Variants in AKT3 observed in about 807,000 individuals in gnomAD.
The protein encoded by AKT3 is RAC-gamma serine/threonine-protein kinase.
Under a neutral mutation model 65.3 loss-of-function variants are expected in AKT3, and 15 were observed. The ratio of observed to expected loss-of-function variants is 0.23; its 90% CI spans 0.15 to 0.35. The LOEUF (loss-of-function observed/expected upper bound fraction) is 0.35, where lower values mean the gene tolerates loss of function less well. AKT3 is among the 10% of genes least tolerant of loss of function. AKT3 has a pLI of 1.00. For synonymous variants in AKT3, 206 were observed against 183.8 expected, an observed-to-expected ratio of 1.12 and a Z score of -0.98; for missense variants, 243 against 576.5, an observed-to-expected ratio of 0.42 and a Z score of 5.92.
In AKT3 at chr1:243,647,662, C is replaced by T. The variant is rs139184956; in HGVS notation, c.285-1625G>A. 5.6e-3 allele frequency among the ~76,000 whole-genome samples: 857 copies of T among 152,238 alleles called. 6 individuals are homozygous for T. The highest frequency in any genetic ancestry group is 7.3e-3 in the Non-Finnish European group (499 of 68,006). On this transcript the variant is annotated intron_variant, in intron 4 of 13. Coordinates refer to ENST00000673466, the MANE Select transcript of AKT3 (RefSeq NM_005465.7). ...ATTAGTTCCAGTCACTCTTATTTTT[C>T]TGCATTTTCTACACATGCAACCATG...
At chr1:243,832,756 G>C (rs1572425495) in intron 2 of AKT3, among the ~76,000 whole-genome samples, 1 of 152,304 alleles carries the variant, frequency 6.6e-6, no homozygotes, top group South Asian at 2.1e-4. Context: ...TGGAAAGTGA[G>C]AGGGAGATCT....
intron 3 of AKT3, among the ~76,000 whole-genome samples, chr1:243,686,515 A>G (rs1463600227): frequency 6.6e-6 from 1 of 150,650 alleles, no homozygotes; most frequent in Non-Finnish European, 1.5e-5. Flanking sequence ...CCTCACTCCA[A>G]TGTAATTTAG....
intron 10 of AKT3, among the ~76,000 whole-genome samples, chr1:243,553,861 A>G (rs1295234372): frequency 6.6e-6 from 1 of 152,162 alleles, no homozygotes; most frequent in Non-Finnish European, 1.5e-5. Flanking sequence ...GCAACTTTGA[A>G]TATTTTATTT....
At chr1:243,755,192 C>T (rs932314514) in intron 2 of AKT3, among the ~76,000 whole-genome samples, 5 of 151,828 alleles carry the variant, frequency 3.3e-5, no homozygotes, top group Non-Finnish European at 5.9e-5. Context: ...CCTCAGCCTC[C>T]AGAGCAGTGG....
chr1:243,813,713 T>C (rs148088841), intron 2 of AKT3, among the ~76,000 whole-genome samples: 1 of 152,330 alleles, frequency 6.6e-6, no homozygotes, highest in Non-Finnish European at 1.5e-5. Context: ...AATGATACTG[T>C]GATTATGAAT....
At chr1:243,623,126 A>G (rs1302001433) in intron 6 of AKT3, among the ~76,000 whole-genome samples, 3 of 152,166 alleles carry the variant, frequency 2.0e-5, no homozygotes, top group Admixed American at 6.5e-5. Flanking sequence ...GCCACATGGT[A>G]CCAGTTTGAC....
intron 2 of AKT3, among the ~76,000 whole-genome samples, chr1:243,715,066 T>C (rs1686419299): frequency 6.6e-6 from 1 of 152,082 alleles, no homozygotes; most frequent in Non-Finnish European, 1.5e-5. Flanking sequence ...GATCAATATT[T>C]TGGGGACATG....
intron 6 of AKT3, among the ~76,000 whole-genome samples, chr1:243,636,966 G>T (rs1056691167): frequency 6.6e-6 from 1 of 152,124 alleles, no homozygotes; most frequent in Non-Finnish European, 1.5e-5. Flanking sequence ...AGTCCATAAA[G>T]TATAACAGTA....
intron 2 of AKT3, among the ~76,000 whole-genome samples, chr1:243,766,511 G>A (rs913914702): frequency 1.3e-5 from 2 of 152,098 alleles, no homozygotes; most frequent in Non-Finnish European, 2.9e-5. Flanking sequence ...CAGTAATACA[G>A]GTAAAGAGAT....
At chr1:243,598,347 C>T (rs191204598) in intron 8 of AKT3, among the ~76,000 whole-genome samples, 186 of 152,112 alleles carry the variant, frequency 1.2e-3, no homozygotes, top group Non-Finnish European at 2.2e-3. Flanking sequence ...AAATAGGGAG[C>T]TTATCTTTAT....
chr1:243,753,260 G>A (rs149455474), intron 2 of AKT3, among the ~76,000 whole-genome samples: 9 of 152,262 alleles, frequency 5.9e-5, no homozygotes, highest in African/African-American at 2.2e-4. Context: ...GTCTTAAGCA[G>A]TGTAAAAAAT....
At chr1:243,506,510 A>C (rs2148348428) in intron 13 of AKT3, among the ~76,000 whole-genome samples, 1 of 152,364 alleles carries the variant, frequency 6.6e-6, no homozygotes, top group Non-Finnish European at 1.5e-5. Context: ...GTCACTCCGA[A>C]GAGGAGGGGG....
At chr1:243,630,426 T>C (rs1031356214) in intron 6 of AKT3, among the ~76,000 whole-genome samples, 1 of 152,074 alleles carries the variant, frequency 6.6e-6, no homozygotes. Flanking sequence ...AATACAATGG[T>C]AGAAAAGGCC....
At chr1:243,682,507 C>T (rs1330572605) in intron 3 of AKT3, among the ~76,000 whole-genome samples, 4 of 152,120 alleles carry the variant, frequency 2.6e-5, no homozygotes, top group East Asian at 1.9e-4. Context: ...AAATAAAACA[C>T]GAGGTAAGCT....
rs190001202 is a variant in AKT3 at position 243,675,068 on chromosome 1, C to T, written c.173-10185G>A. On this transcript the variant is annotated intron_variant, in intron 3 of 13. Coordinates refer to ENST00000673466, the MANE Select transcript of AKT3 (RefSeq NM_005465.7). ...GGTCCCACTTAGAAGTAACTTACAA[C>T]TTAAATGCCTCGAGATTTCCATCTG... Among the ~76,000 whole-genome samples the T allele has an allele frequency of 7.2e-5, 11 of 152,322 alleles. No homozygotes were observed. The East Asian group carries it at 2.1e-3, about 29-fold the overall frequency.
In AKT3 at chr1:243,786,164, G is replaced by C. The variant is rs4372234; in HGVS notation, c.46+56961C>G. Reference sequence around the variant, plus strand: ...TTGTTAACAAAAACACAAGGGAAATGCACTGACCTAAGGTTATCCTCTAAC... The same window carrying C: ...TTGTTAACAAAAACACAAGGGAAATCCACTGACCTAAGGTTATCCTCTAAC... On this transcript the variant is annotated intron_variant, in intron 2 of 13. Transcript: ENST00000673466. Among the ~76,000 whole-genome samples, 448 of 152,266 alleles carry C rather than the reference G, an allele frequency of 2.9e-3. 17 individuals are homozygous for C. The East Asian group carries it at 0.075, about 25-fold the overall frequency.
At chr1:243,583,960 A>T (rs986476270) in intron 8 of AKT3, among the ~76,000 whole-genome samples, 11 of 152,050 alleles carry the variant, frequency 7.2e-5, no homozygotes, top group African/African-American at 2.4e-4. Flanking sequence ...AGAAAAAAAA[A>T]TAACTAAAAT....
At chr1:243,733,201 T>C (rs1687657573) in intron 2 of AKT3, among the ~76,000 whole-genome samples, 1 of 152,200 alleles carries the variant, frequency 6.6e-6, no homozygotes. Flanking sequence ...CAACTGGAAC[T>C]TTCTCCAAAT....
intron 2 of AKT3, among the ~76,000 whole-genome samples, chr1:243,780,191 A>T (rs1000844164): frequency 2.0e-5 from 3 of 152,136 alleles, no homozygotes; most frequent in Non-Finnish European, 2.9e-5. Flanking sequence ...CTTTATAATG[A>T]AGAAGAAAGT....
Sources: allele counts gnomAD v4.1 joint callset (sites outside exome capture counted in the v4.1 genomes callset), GRCh38; gene constraint gnomAD v4.1.1; transcripts MANE v1.5; gene names NCBI Gene and HGNC (gene_info 2026-07-23, HGNC 2026-07-21).